The following GPC6 variants were observed in gnomAD, a reference collection of about 807,000 sequenced individuals.
The protein encoded by GPC6 is glypican-6.
A neutral mutation model predicts 55.2 loss-of-function variants in GPC6; 14 were observed. The observed-to-expected ratio is 0.25, with a 90% CI of 0.17 to 0.40. The LOEUF (loss-of-function observed/expected upper bound fraction) is 0.40. Ranked by LOEUF, GPC6 falls within the 10% of genes least tolerant of loss-of-function variation. The probability of loss-of-function intolerance (pLI) is 1.00; values close to 1 mark genes in which losing one functional copy is unlikely to be tolerated. For missense variants in GPC6, 641 were observed against 708.5 expected (o/e 0.90, Z 1.08); for synonymous variants, 278 against 259.6 (o/e 1.07, Z -0.68).
chr13:94,272,657 AC>A (rs1416579885), intron 4 of GPC6, among the ~76,000 whole-genome samples: 1 of 151,438 alleles, frequency 6.6e-6, no homozygotes, highest in Non-Finnish European at 1.5e-5. Context: ...TTTGGTAGAG[AC>A]AGGGTTTCAC....
intron 1 of GPC6, among the ~76,000 whole-genome samples, chr13:93,353,704 G>GTT (rs950744597): frequency 6.6e-6 from 1 of 152,072 alleles, no homozygotes; most frequent in African/African-American, 2.4e-5. Flanking sequence ...TGGGTCATCT[G>GTT]TTTTTTTGCT....
At chr13:94,378,124 C>G (rs1161443365) in intron 6 of GPC6, among the ~76,000 whole-genome samples, 2 of 152,056 alleles carry the variant, frequency 1.3e-5, no homozygotes, top group East Asian at 1.9e-4. Flanking sequence ...TGCAGTGCAC[C>G]AGCATGGCAC....
intron 8 of GPC6, among the ~76,000 whole-genome samples, chr13:94,400,139 G>A (rs1307739159): frequency 1.3e-5 from 2 of 152,154 alleles, no homozygotes; most frequent in Non-Finnish European, 2.9e-5. Flanking sequence ...CAATTAAGAG[G>A]ATCCCTGAGT....
In GPC6 at chr13:93,501,775, C is replaced by T. The variant is rs569183396; in HGVS notation, c.161-43488C>T. On this transcript the variant is annotated intron_variant, in intron 1 of 8. Transcript: ENST00000377047. ...TGGTTTCAATTCGGCTTGTGGACCA[C>T]CAGTTTGAAATATCTAAATTACTGC... Among the ~76,000 whole-genome samples the T allele has an allele frequency of 7.2e-5, 11 of 152,224 alleles. No homozygotes were observed. The South Asian group carries it at 1.7e-3, about 23-fold the overall frequency.
At chr13:93,962,173 A>G (rs1029295460) in intron 3 of GPC6, among the ~76,000 whole-genome samples, 9 of 152,190 alleles carry the variant, frequency 5.9e-5, no homozygotes, top group Admixed American at 2.6e-4. Flanking sequence ...CCCCCACAAC[A>G]TGGTTGTAAA....
rs186291443 is a variant in GPC6 at position 93,510,508 on chromosome 13, A to C, written c.161-34755A>C. 3.9e-3 allele frequency among the ~76,000 whole-genome samples: 597 copies of C among 152,120 alleles called. 6 individuals carry two copies. The highest frequency in any genetic ancestry group is 9.6e-3 in the Admixed American group (147 of 15,270). ...CAAATGACGTGATTTTATACTTTTT[A>C]ATTGCTGAAGAGTATTCCATTGTGT... On this transcript the variant is annotated intron_variant, in intron 1 of 8. Transcript: ENST00000377047.
intron 2 of GPC6, among the ~76,000 whole-genome samples, chr13:93,794,494 C>T (rs1886140274): frequency 6.6e-6 from 1 of 152,182 alleles, no homozygotes; most frequent in Non-Finnish European, 1.5e-5. Context: ...TAGTTTAATA[C>T]ACAAGCATCA....
intron 3 of GPC6, among the ~76,000 whole-genome samples, chr13:93,974,295 T>C (rs1054311284): frequency 1.3e-5 from 2 of 152,178 alleles, no homozygotes; most frequent in African/African-American, 2.4e-5. Context: ...TAAAAAATAA[T>C]ACCCATTTAT....
chr13:93,736,785 A>G (rs1594413128), intron 2 of GPC6, among the ~76,000 whole-genome samples: 1 of 152,102 alleles, frequency 6.6e-6, no homozygotes, highest in Admixed American at 6.6e-5. Context: ...GTGTCTTTCA[A>G]TTTGTTTCTT....
chr13:93,904,415 T>A (rs1355426087), intron 3 of GPC6, among the ~76,000 whole-genome samples: 1 of 152,284 alleles, frequency 6.6e-6, no homozygotes, highest in East Asian at 1.9e-4. Context: ...GCATTAGTAA[T>A]GTTATCATCC....
intron 7 of GPC6, 54 bp from the exon 8 acceptor site, chr13:94,398,412 T>C: frequency 7.4e-7 from 1 of 1,342,608 alleles, no homozygotes; most frequent in East Asian, 2.3e-5. Context: ...AGCATCTGGT[T>C]TTACAGTTTC....
intron 1 of GPC6, among the ~76,000 whole-genome samples, chr13:93,360,232 A>G (rs1023006523): frequency 2.6e-5 from 4 of 152,208 alleles, no homozygotes; most frequent in Non-Finnish European, 4.4e-5. Flanking sequence ...GAGAATCGGA[A>G]TCGTCAAGTA....
intron 2 of GPC6, among the ~76,000 whole-genome samples, chr13:93,761,653 C>T (rs986386690): frequency 6.6e-6 from 1 of 152,200 alleles, no homozygotes; most frequent in Admixed American, 6.5e-5. Context: ...TACAGGCATG[C>T]ACCACCACAC....
intron 2 of GPC6, among the ~76,000 whole-genome samples, chr13:93,651,313 A>C (rs554568972): frequency 2.0e-5 from 3 of 152,234 alleles, no homozygotes; most frequent in African/African-American, 7.2e-5. Context: ...AGATTCTAAA[A>C]AATTTGCTTT....
At chr13:93,642,924 T>C (rs1294683793) in intron 2 of GPC6, among the ~76,000 whole-genome samples, 1 of 152,108 alleles carries the variant, frequency 6.6e-6, no homozygotes, top group Non-Finnish European at 1.5e-5. Flanking sequence ...AAGGAAAATA[T>C]TTACTTGCCA....
At chr13:94,389,150 A>G (rs1880535773) in intron 7 of GPC6, among the ~76,000 whole-genome samples, 1 of 152,220 alleles carries the variant, frequency 6.6e-6, no homozygotes, top group African/African-American at 2.4e-5. Context: ...TAGGAACTGA[A>G]AGGAAGCTAG....
intron 6 of GPC6, among the ~76,000 whole-genome samples, chr13:94,379,939 C>T (rs995598395): frequency 1.4e-4 from 22 of 152,156 alleles, no homozygotes; most frequent in African/African-American, 4.8e-4. Context: ...CATAGCGCAG[C>T]GCAGAAAGCT....
intron 4 of GPC6, among the ~76,000 whole-genome samples, chr13:94,132,132 C>T (rs1410779421): frequency 6.6e-6 from 1 of 152,080 alleles, no homozygotes; most frequent in Non-Finnish European, 1.5e-5. Flanking sequence ...GATGGTTTTT[C>T]ACGTAGGGTG....
chr13:94,035,135 G>A (rs1883290210), intron 4 of GPC6, among the ~76,000 whole-genome samples: 1 of 151,756 alleles, frequency 6.6e-6, no homozygotes, highest in African/African-American at 2.4e-5. Flanking sequence ...ATTTTCTATA[G>A]GTAGTTTAAT....
Sources: allele counts gnomAD v4.1 joint callset (sites outside exome capture counted in the v4.1 genomes callset), GRCh38; gene constraint gnomAD v4.1.1; transcripts MANE v1.5; gene names NCBI Gene and HGNC (gene_info 2026-07-23, HGNC 2026-07-21).